The following CORO2B variants were observed in gnomAD, a reference collection of about 807,000 sequenced individuals.
CORO2B encodes coronin 2B.
A neutral mutation model predicts 58.8 loss-of-function variants in CORO2B; 26 were observed. That is an observed-to-expected ratio of 0.44 (90% CI 0.32 to 0.61). The LOEUF (loss-of-function observed/expected upper bound fraction) is 0.61. Ranked by LOEUF, CORO2B falls within the 20% of genes least tolerant of loss-of-function variation. CORO2B has a pLI of 0.04. For synonymous variants in CORO2B, 242 were observed against 253.8 expected, an observed-to-expected ratio of 0.95 and a Z score of 0.44; for missense variants, 460 against 645.1, an observed-to-expected ratio of 0.71 and a Z score of 3.11.
the CORO2B span, among the ~76,000 whole-genome samples, chr15:68,556,692 T>C: frequency 2.4e-3 from 359 of 152,358 alleles, no homozygotes; most frequent in Non-Finnish European, 3.7e-3. Flanking sequence ...GTTCCTGCAC[T>C]GGTAAGAAAG....
chr15:68,575,925 C>T (rs1188893534), upstream of CORO2B, among the ~76,000 whole-genome samples: 1 of 151,006 alleles, frequency 6.6e-6, no homozygotes, highest in South Asian at 2.1e-4. Context: ...GAGGCCGAGG[C>T]GGGCAGGTCA....
rs78726358 is a variant in CORO2B at position 68,717,311 on chromosome 15, C to CAAA, written c.968-1374_968-1372dup. Among the ~76,000 whole-genome samples, 393 of 112,630 alleles carry CAAA rather than the reference C, an allele frequency of 3.5e-3. 2 individuals carry two copies. Among genetic ancestry groups the CAAA allele is most frequent in the African/African-American group, 0.012 (371 of 31,748 alleles). The allele number at this position is 112,630 out of a possible 152,430, so 73.9% of individuals were successfully genotyped here. ...CCTGGGCAACAGAGCCAGACTCTGT[C>CAAA]AAAAAAAAAAAAAAAGATTTCTCTG... On this transcript the variant is annotated intron_variant, in intron 8 of 11. Coordinates refer to ENST00000261861, the MANE Select transcript of CORO2B (RefSeq NM_006091.5).
At chr15:68,587,228 G>A (rs1423965297) in intron 1 of CORO2B, among the ~76,000 whole-genome samples, 1 of 152,118 alleles carries the variant, frequency 6.6e-6, no homozygotes, top group Non-Finnish European at 1.5e-5. Flanking sequence ...CCCCCTAAGT[G>A]TCTGCAGTTT....
Position 68,653,517 on chromosome 15 carries a change from G to A in CORO2B, c.216+8157G>A, listed in dbSNP as rs371089295. ...TGATCCTGGCAGCCCATCCCCACCA[G>A]ATCCTAGGGAGAATGCAGCACCATA... On this transcript the variant is annotated intron_variant, in intron 2 of 11. Transcript: ENST00000261861. Among the ~76,000 whole-genome samples the A allele has an allele frequency of 1.1e-4, 17 of 152,238 alleles. No homozygotes were observed. In the East Asian group the frequency reaches 3.3e-3, roughly 29 times the overall value.
chr15:68,562,127 T>G, the CORO2B span, among the ~76,000 whole-genome samples: 1 of 152,180 alleles, frequency 6.6e-6, no homozygotes, highest in African/African-American at 2.4e-5. Flanking sequence ...CTCCATGGCG[T>G]CTGTCAGGGC....
the CORO2B span, among the ~76,000 whole-genome samples, chr15:68,541,648 T>C: frequency 5.9e-5 from 9 of 152,220 alleles, no homozygotes; most frequent in Non-Finnish European, 8.8e-5. Context: ...GAGTGCTTTG[T>C]CCAGTGCCCT....
At chr15:68,558,822 G>T in the CORO2B span, among the ~76,000 whole-genome samples, 1 of 152,144 alleles carries the variant, frequency 6.6e-6, no homozygotes, top group Non-Finnish European at 1.5e-5. Context: ...CCAAAGCCCT[G>T]CCTTGACTGG....
the CORO2B span, chr15:68,559,549 CA>C: frequency 3.0e-6 from 3 of 984,010 alleles, 1 homozygote; most frequent in Admixed American, 1.8e-4. The surrounding 1 kb of genome is among the most constrained non-coding windows in gnomAD (Gnocchi z 4.3). Flanking sequence ...TTGACCGTGC[CA>C]AGCCGGCCCG....
intron 1 of CORO2B, among the ~76,000 whole-genome samples, chr15:68,635,889 T>C (rs1901018826): frequency 6.6e-6 from 1 of 152,144 alleles, no homozygotes; most frequent in East Asian, 1.9e-4. Context: ...CTCGTATATT[T>C]ATCAAGATGA....
the CORO2B span, among the ~76,000 whole-genome samples, chr15:68,531,427 AT>A: frequency 6.6e-6 from 1 of 151,790 alleles, no homozygotes; most frequent in Non-Finnish European, 1.5e-5. Flanking sequence ...AACCCAGGAG[AT>A]GGAAGTTGCA....
rs563644567 is a variant in CORO2B at position 68,691,944 on chromosome 15, G to A, written c.217-3196G>A. 9.6e-4 allele frequency among the ~76,000 whole-genome samples: 146 copies of A among 152,278 alleles called. No homozygotes were observed. The Middle Eastern group carries it at 0.017, about 18-fold the overall frequency. On this transcript the variant is annotated intron_variant, in intron 2 of 11. Transcript: ENST00000261861. The stretch of plus-strand genomic sequence containing the variant: ...ACTTAATGCACACAGCTCTGCTCAG[G>A]GAACACTCCAATGCAGCTTTTGCGA...
chr15:68,674,540 C>G (rs1411849073), intron 2 of CORO2B, among the ~76,000 whole-genome samples: 2 of 152,208 alleles, frequency 1.3e-5, no homozygotes, highest in African/African-American at 4.8e-5. Flanking sequence ...TGGCCTGGCA[C>G]AGCCATCACC....
At chr15:68,642,206 C>A (rs1424609595) in intron 1 of CORO2B, among the ~76,000 whole-genome samples, 1 of 151,978 alleles carries the variant, frequency 6.6e-6, no homozygotes, top group African/African-American at 2.4e-5. Context: ...CTGCTATCCT[C>A]TTTAATATGG....
chr15:68,545,158 G>A, the CORO2B span, among the ~76,000 whole-genome samples: 2 of 152,210 alleles, frequency 1.3e-5, no homozygotes, highest in Non-Finnish European at 2.9e-5. Context: ...GGACTCCTCT[G>A]AGAGTGACAC....
At chr15:68,648,279 G>GC (rs1901517803) in intron 2 of CORO2B, among the ~76,000 whole-genome samples, 1 of 151,090 alleles carries the variant, frequency 6.6e-6, no homozygotes. Context: ...GTTGCAGTGG[G>GC]CGAGATTGCG....
intron 3 of CORO2B, among the ~76,000 whole-genome samples, chr15:68,704,039 TACACACACACACACAC>T (rs10566834): frequency 0.034 from 4,323 of 128,140 alleles, 204 homozygotes; most frequent in African/African-American, 0.11. Flanking sequence ...TACACACACA[TACACACACACACACAC>T]ACACACACAC....
At chr15:68,608,741 C>G (rs1453254018) in intron 1 of CORO2B, among the ~76,000 whole-genome samples, 2 of 152,160 alleles carry the variant, frequency 1.3e-5, no homozygotes, top group African/African-American at 4.8e-5. Flanking sequence ...CTCCACCCCT[C>G]CCCTGCCCAG....
chr15:68,521,746 T>C, the CORO2B span, among the ~76,000 whole-genome samples: 5 of 151,754 alleles, frequency 3.3e-5, no homozygotes, highest in Non-Finnish European at 7.4e-5. Context: ...TATATACTTC[T>C]TTTCTTTTCT....
chr15:68,683,692 C>T (rs968851105), intron 2 of CORO2B, among the ~76,000 whole-genome samples: 8 of 152,162 alleles, frequency 5.3e-5, no homozygotes, highest in Non-Finnish European at 1.0e-4. Flanking sequence ...AGGGATGTCA[C>T]CATCTCAGGA....
Sources: gnomAD v4.1 joint callset for allele counts (sites outside exome capture counted in the v4.1 genomes callset) on GRCh38, gnomAD v4.1.1 for gene constraint, Gnocchi (gnomAD v3.1) non-coding constraint, MANE v1.5 for transcripts, NCBI Gene and HGNC (gene_info 2026-07-23, HGNC 2026-07-21) for gene names.